RGS7: variants seen among roughly 807,000 people sequenced by gnomAD.
RGS7 encodes regulator of G protein signaling 7.
In RGS7, 27 loss-of-function variants were observed where a neutral mutation model predicts 81.1. The ratio of observed to expected loss-of-function variants is 0.33; its 90% confidence interval spans 0.25 to 0.46. RGS7 has a LOEUF of 0.46. Among genes scored for constraint, RGS7 ranks in the 20% least tolerant of loss-of-function variants. RGS7 has a pLI of 1.00. For synonymous variants in RGS7, 208 were observed against 207.7 expected, an observed-to-expected ratio of 1.00 and a Z score of -0.01; for missense variants, 396 against 607.4, an observed-to-expected ratio of 0.65 and a Z score of 3.66.
intron 3 of RGS7, among the ~76,000 whole-genome samples, chr1:241,043,297 A>G (rs1036594949): frequency 1.3e-5 from 2 of 151,808 alleles, no homozygotes; most frequent in African/African-American, 4.8e-5. Context: ...ATTTTGTCTC[A>G]AATTGTGTAG....
At chr1:240,998,839 C>T (rs1558576497) in intron 3 of RGS7, 2 of 548,888 alleles carry the variant, frequency 3.6e-6, no homozygotes, top group South Asian at 3.1e-5. Context: ...GCGGATGGAC[C>T]GAGCACCTTG....
At chr1:241,185,514 T>A (rs1002356298) in intron 2 of RGS7, among the ~76,000 whole-genome samples, 2 of 152,172 alleles carry the variant, frequency 1.3e-5, no homozygotes, top group East Asian at 1.9e-4. Context: ...TATAGAATAT[T>A]CTACTCAACA....
chr1:241,340,310 C>T (rs1573753130), intron 2 of RGS7, among the ~76,000 whole-genome samples: 1 of 152,168 alleles, frequency 6.6e-6, no homozygotes, highest in South Asian at 2.1e-4. Flanking sequence ...TAATCAAATA[C>T]ATCTCTCTTC....
At chr1:241,057,679 C>T (rs886430547) in intron 3 of RGS7, among the ~76,000 whole-genome samples, 8 of 151,836 alleles carry the variant, frequency 5.3e-5, no homozygotes, top group Non-Finnish European at 1.2e-4. Flanking sequence ...TTTGGGAGGC[C>T]GAGGTGGGTG....
intron 2 of RGS7, among the ~76,000 whole-genome samples, chr1:241,145,252 G>A (rs945373624): frequency 6.6e-6 from 1 of 152,074 alleles, no homozygotes; most frequent in East Asian, 1.9e-4. Flanking sequence ...TCCTGCCCCT[G>A]TGATTCTCCC....
chr1:241,319,223 A>G (rs950641680), intron 2 of RGS7, among the ~76,000 whole-genome samples: 1 of 152,078 alleles, frequency 6.6e-6, no homozygotes, highest in Admixed American at 6.6e-5. Context: ...TTAGCTTTCT[A>G]CTCCCTTTCT....
chr1:241,095,147 C>T (rs1319693125), intron 3 of RGS7, among the ~76,000 whole-genome samples: 2 of 152,136 alleles, frequency 1.3e-5, no homozygotes, highest in African/African-American at 4.8e-5. Context: ...GGCCACTGAT[C>T]CCAGAGCTCT....
intron 3 of RGS7, among the ~76,000 whole-genome samples, chr1:241,004,137 TA>T (rs2148640524): frequency 6.6e-6 from 1 of 152,312 alleles, no homozygotes; most frequent in Non-Finnish European, 1.5e-5. Flanking sequence ...AAGCTGTGTA[TA>T]GAGGAGAAAG....
At chr1:240,900,120 C>T (rs116573614) in intron 6 of RGS7, among the ~76,000 whole-genome samples, 19,453 of 152,102 alleles carry the variant, frequency 0.13, 1,359 homozygotes, top group Middle Eastern at 0.18. Flanking sequence ...TCTCATGCCA[C>T]GGTTTTCAGC....
intron 2 of RGS7, among the ~76,000 whole-genome samples, chr1:241,248,606 A>AT (rs1033956472): frequency 2.4e-4 from 37 of 151,472 alleles, no homozygotes; most frequent in Middle Eastern, 6.8e-3. Context: ...GTGAAGCAGT[A>AT]TTTTTTTTAA....
At chr1:241,261,019 G>A (rs948717028) in intron 2 of RGS7, among the ~76,000 whole-genome samples, 4 of 151,464 alleles carry the variant, frequency 2.6e-5, no homozygotes, top group African/African-American at 9.7e-5. Context: ...ACATGTATAC[G>A]TATGTAACTA....
At chr1:241,333,324 G>A (rs1239322581) in intron 2 of RGS7, among the ~76,000 whole-genome samples, 1 of 152,134 alleles carries the variant, frequency 6.6e-6, no homozygotes, top group Non-Finnish European at 1.5e-5. Flanking sequence ...TCTGCCATGG[G>A]GAATCTAGCA....
chr1:240,979,276 A>T (rs1684579986), intron 4 of RGS7, among the ~76,000 whole-genome samples: 1 of 152,224 alleles, frequency 6.6e-6, no homozygotes, highest in South Asian at 2.1e-4. Flanking sequence ...ATTAGCATAT[A>T]TAAATCAATC....
chr1:241,320,321 AAT>A (rs1318309795), intron 2 of RGS7, among the ~76,000 whole-genome samples: 2 of 152,198 alleles, frequency 1.3e-5, no homozygotes, highest in Non-Finnish European at 2.9e-5. Context: ...TCTCCACTAC[AAT>A]ATAAATGCTC....
chr1:241,029,094 C>T (rs891217803), intron 3 of RGS7, among the ~76,000 whole-genome samples: 5 of 151,558 alleles, frequency 3.3e-5, no homozygotes, highest in South Asian at 2.1e-4. Context: ...GAGGCTGGCT[C>T]GGTAGGGTTG....
chr1:241,125,114 C>T (rs1249280678), intron 2 of RGS7, among the ~76,000 whole-genome samples: 1 of 152,146 alleles, frequency 6.6e-6, no homozygotes, highest in African/African-American at 2.4e-5. Flanking sequence ...TGCTTTGACC[C>T]TCCCATTGGA....
At chr1:241,098,811 GA>G in intron 2 of RGS7, 49 bp from the exon 3 acceptor site, 5 of 1,394,300 alleles carry the variant, frequency 3.6e-6, no homozygotes, top group African/African-American at 1.4e-5. Context: ...GAACTTTTTT[GA>G]AAAAAAATCA....
intron 4 of RGS7, among the ~76,000 whole-genome samples, chr1:240,951,654 CTG>C (rs1255816307): frequency 6.6e-6 from 1 of 152,016 alleles, no homozygotes; most frequent in African/African-American, 2.4e-5. Flanking sequence ...CATCCAAAAA[CTG>C]TGGGACAATA....
At chr1:240,874,934 C>T (rs1208597311) in intron 6 of RGS7, among the ~76,000 whole-genome samples, 7 of 151,734 alleles carry the variant, frequency 4.6e-5, no homozygotes, top group South Asian at 2.1e-4. Flanking sequence ...CTCAGCTACT[C>T]GGGAGGCTGA....
Sources: gnomAD v4.1 joint callset for allele counts (sites outside exome capture counted in the v4.1 genomes callset) on GRCh38, gnomAD v4.1.1 for gene constraint, MANE v1.5 for transcripts, NCBI Gene and HGNC (gene_info 2026-07-23, HGNC 2026-07-21) for gene names.